Variants in TENM3 observed in about 807,000 individuals in gnomAD.
TENM3 encodes the protein teneurin transmembrane protein 3, also known as teneurin-3.
TENM3 carries 63 observed loss-of-function variants against 255.1 expected under a neutral mutation model. The observed-to-expected ratio is 0.25, with a 90% CI of 0.20 to 0.30. The LOEUF (loss-of-function observed/expected upper bound fraction) is 0.30. TENM3 is among the 10% of genes least tolerant of loss of function. The probability of loss-of-function intolerance (pLI) is 1.00; values close to 1 mark genes in which losing one functional copy is unlikely to be tolerated. For synonymous variants in TENM3, 1,306 were observed against 1,322.3 expected (o/e 0.99, Z 0.27); for missense variants, 2,929 against 3,461.1 (o/e 0.85, Z 3.86).
chr4:182,229,859 G>A (rs1183545360), intron 1 of TENM3, among the ~76,000 whole-genome samples: 2 of 152,076 alleles, frequency 1.3e-5, no homozygotes, highest in African/African-American at 4.8e-5. Flanking sequence ...ATTGAAGAAT[G>A]TTTCCAATTC....
chr4:181,797,157 T>C, the TENM3 span, among the ~76,000 whole-genome samples: 1 of 151,760 alleles, frequency 6.6e-6, no homozygotes, highest in Non-Finnish European at 1.5e-5. Context: ...TTTTTTTTAA[T>C]CTTTTTTCCT....
At chr4:181,616,106 G>A in the TENM3 span, among the ~76,000 whole-genome samples, 3 of 151,882 alleles carry the variant, frequency 2.0e-5, no homozygotes, top group Non-Finnish European at 2.9e-5. Flanking sequence ...AATGTCAACA[G>A]AGACAATTTG....
chr4:181,929,632 A>G, the TENM3 span, among the ~76,000 whole-genome samples: 1 of 152,198 alleles, frequency 6.6e-6, no homozygotes, highest in Non-Finnish European at 1.5e-5. Context: ...ATGAGACAGC[A>G]AATTAACAAG....
At chr4:181,501,613 C>T in the TENM3 span, among the ~76,000 whole-genome samples, 4 of 151,964 alleles carry the variant, frequency 2.6e-5, no homozygotes, top group Non-Finnish European at 5.9e-5. Flanking sequence ...TTCCTGGCCT[C>T]GTAATCTGCC....
At chr4:182,709,149 A>C (rs1356385190) in intron 12 of TENM3, among the ~76,000 whole-genome samples, 2 of 151,794 alleles carry the variant, frequency 1.3e-5, no homozygotes, top group African/African-American at 4.8e-5. Context: ...CACCCCGCTA[A>C]TTTTTGTATT....
At chr4:182,356,482 C>T (rs549937804) in intron 3 of TENM3, among the ~76,000 whole-genome samples, 35 of 152,046 alleles carry the variant, frequency 2.3e-4, no homozygotes, top group Admixed American at 7.2e-4. Flanking sequence ...AAGGAGAGAG[C>T]GTGGCTGAGG....
At chr4:182,066,161 C>T in the TENM3 span, among the ~76,000 whole-genome samples, 1 of 152,170 alleles carries the variant, frequency 6.6e-6, no homozygotes, top group African/African-American at 2.4e-5. Context: ...AACACTTTTT[C>T]CCCATTTCTA....
At chr4:182,389,847 G>A (rs1768299636) in intron 3 of TENM3, among the ~76,000 whole-genome samples, 1 of 152,002 alleles carries the variant, frequency 6.6e-6, no homozygotes, top group South Asian at 2.1e-4. Context: ...CACCACTCCC[G>A]GCTAATTTTT....
chr4:181,739,819 T>G, the TENM3 span, among the ~76,000 whole-genome samples: 1 of 152,222 alleles, frequency 6.6e-6, no homozygotes, highest in Admixed American at 6.5e-5. Flanking sequence ...AAATTAGCAT[T>G]TTTAACATAG....
the TENM3 span, among the ~76,000 whole-genome samples, chr4:181,985,532 G>C: frequency 6.6e-6 from 1 of 152,088 alleles, no homozygotes. Context: ...AGCCAGCAGA[G>C]AATCTGATGA....
chr4:181,525,708 G>A, the TENM3 span, among the ~76,000 whole-genome samples: 1 of 152,156 alleles, frequency 6.6e-6, no homozygotes, highest in Non-Finnish European at 1.5e-5. Context: ...ACAAAATTGG[G>A]GTTGACCAGC....
At chr4:181,804,874 A>T in the TENM3 span, among the ~76,000 whole-genome samples, 1 of 152,024 alleles carries the variant, frequency 6.6e-6, no homozygotes, top group Non-Finnish European at 1.5e-5. Context: ...GTCAGACCAT[A>T]TGCCTATATC....
the TENM3 span, among the ~76,000 whole-genome samples, chr4:181,702,877 A>G: frequency 1.3e-5 from 2 of 152,206 alleles, no homozygotes; most frequent in Non-Finnish European, 2.9e-5. Context: ...TTTAGCATCT[A>G]ATGAAACTGA....
At position 182,161,793 on chromosome 4, in the gene TENM3, G is replaced by GTATA. The variant is rs1391159500; in HGVS notation, c.-76+17046_-76+17049dup. ...TGTATATATATATACACAAATATATGTATATATATACACATATATATGTAT... is the reference window on the plus strand; with the variant it reads ...TGTATATATATATACACAAATATATGTATATATATATATACACATATATATGTAT... On this transcript the variant is annotated intron_variant, in intron 1 of 2. Coordinates refer to the TENM3 transcript ENST00000512480. 3.3e-4 allele frequency among the ~76,000 whole-genome samples: 13 copies of GTATA among 39,976 alleles called. 2 individuals are homozygous for GTATA. The highest frequency in any genetic ancestry group is 5.0e-4 in the African/African-American group (4 of 8,006). The allele number at this position is 39,976 out of a possible 152,430, so 26.2% of individuals were successfully genotyped here.
At chr4:181,692,027 G>A in the TENM3 span, among the ~76,000 whole-genome samples, 4 of 152,208 alleles carry the variant, frequency 2.6e-5, no homozygotes, top group South Asian at 2.1e-4. Context: ...CTGACAAAGC[G>A]TCATAAATCC....
At chr4:181,577,053 T>TA in the TENM3 span, among the ~76,000 whole-genome samples, 1 of 121,376 alleles carries the variant, frequency 8.2e-6, no homozygotes, top group Non-Finnish European at 1.7e-5. Flanking sequence ...TATATAATAA[T>TA]AAATTATATA....
At chr4:182,634,530 C>G (rs1751679241) in intron 5 of TENM3, among the ~76,000 whole-genome samples, 1 of 152,076 alleles carries the variant, frequency 6.6e-6, no homozygotes, top group Admixed American at 6.5e-5. Context: ...TAAAATCCTG[C>G]TCTAATCCAT....
chr4:181,451,181 G>A, the TENM3 span, among the ~76,000 whole-genome samples: 4 of 152,164 alleles, frequency 2.6e-5, no homozygotes, highest in South Asian at 4.1e-4. Flanking sequence ...AATTAGCAAC[G>A]TAAGGAGGAG....
At chr4:181,540,705 T>C in the TENM3 span, among the ~76,000 whole-genome samples, 117,211 of 151,948 alleles carry the variant, frequency 0.77, 45,704 homozygotes, top group African/African-American at 0.86. Flanking sequence ...CTACAACATA[T>C]CTGACCAGCG....
Sources: allele counts gnomAD v4.1 joint callset (sites outside exome capture counted in the v4.1 genomes callset), GRCh38; gene constraint gnomAD v4.1.1; transcripts MANE v1.5; gene names NCBI Gene and HGNC (gene_info 2026-07-23, HGNC 2026-07-21).